VTA1: variants seen among roughly 807,000 people sequenced by gnomAD.
VTA1 encodes vacuolar protein sorting-associated protein VTA1 homolog.
A neutral mutation model predicts 36.9 loss-of-function variants in VTA1; 24 were observed. The ratio of observed to expected loss-of-function variants is 0.65; its 90% CI spans 0.47 to 0.91. VTA1 has a LOEUF of 0.91. Among genes scored for constraint, VTA1 ranks in the 40% least tolerant of loss-of-function variants. The probability of loss-of-function intolerance (pLI) is 0.00; values close to 1 mark genes in which losing one functional copy is unlikely to be tolerated. For missense variants in VTA1, 393 were observed against 377.2 expected, an observed-to-expected ratio of 1.04 and a Z score of -0.35; for synonymous variants, 142 against 130.2, an observed-to-expected ratio of 1.09 and a Z score of -0.62.
chr6:142,195,858 T>G (rs554285612), intron 5 of VTA1, among the ~76,000 whole-genome samples: 1 of 152,192 alleles, frequency 6.6e-6, no homozygotes, highest in Admixed American at 6.5e-5. Flanking sequence ...TCTTACTGAT[T>G]TCTAATTCAA....
rs1776162665 is a variant in VTA1, at chr6:142,224,239, A to G, written c.*5596A>G. 6.6e-6 allele frequency: 1 copy of G among 152,248 alleles called. No individual in the cohort carries two copies. The highest frequency in any genetic ancestry group is 6.5e-5 in the Admixed American group (1 of 15,288). The allele number at this position is 152,248 out of a possible 1,614,324, so 9.4% of individuals were successfully genotyped here. On this transcript the variant is annotated 3_prime_UTR_variant, in exon 8 of 8. Coordinates refer to ENST00000367630, the MANE Select transcript of VTA1 (RefSeq NM_016485.5). ...CACGCAGAGGCTCGAATATGCTCTC[A>G]ACCCTATCAGTTGCCTGCTTTAATT...
Position 142,224,191 on chromosome 6 carries a change from A to G in VTA1, c.*5548A>G, listed in dbSNP as rs927922726. 1.3e-5 allele frequency: 2 copies of G among 152,260 alleles called. No individual in the cohort carries two copies. The highest frequency in any genetic ancestry group is 1.3e-4 in the Admixed American group (2 of 15,286). 9.4% of individuals were successfully genotyped at this position (152,260 alleles called of 1,614,324 possible). ...CGGAGCTGGCTCATTCTGCACGTGT[A>G]CAGAGAAGAGGCCATGTGAGGACAC... On this transcript the variant is annotated 3_prime_UTR_variant, in exon 8 of 8. Transcript: ENST00000367630.
At chr6:142,153,372 A>G (rs1397503369) in intron 1 of VTA1, among the ~76,000 whole-genome samples, 1 of 151,856 alleles carries the variant, frequency 6.6e-6, no homozygotes, top group African/African-American at 2.4e-5. Flanking sequence ...ACCACAAATC[A>G]ATGACAAAAT....
chr6:142,189,655 A>G, intron 5 of VTA1, 121 bp downstream of exon 5: 1 of 680,654 alleles, frequency 1.5e-6, no homozygotes, highest in Non-Finnish European at 2.4e-6. Context: ...AATCAATGAA[A>G]GTTAAGTATA....
intron 5 of VTA1, among the ~76,000 whole-genome samples, chr6:142,195,756 A>G (rs879425422): frequency 2.0e-5 from 3 of 151,806 alleles, no homozygotes; most frequent in Non-Finnish European, 4.4e-5. Flanking sequence ...AGTTCACCAT[A>G]ATTATAGTTT....
chr6:142,200,534 A>G (rs978391224), intron 6 of VTA1, among the ~76,000 whole-genome samples: 7 of 152,036 alleles, frequency 4.6e-5, no homozygotes, highest in Non-Finnish European at 1.0e-4. Context: ...CTATGAGTAT[A>G]CAAAAGAGAA....
At chr6:142,147,513 T>G in intron 1 of VTA1, 114 bp downstream of exon 1, 1 of 1,119,020 alleles carries the variant, frequency 8.9e-7, no homozygotes, top group Non-Finnish European at 1.3e-6. Flanking sequence ...ACCTGAGCTT[T>G]GACCTCGAGC....
At chr6:142,182,371 G>T (rs1775258725) in intron 4 of VTA1, among the ~76,000 whole-genome samples, 1 of 152,072 alleles carries the variant, frequency 6.6e-6, no homozygotes, top group Non-Finnish European at 1.5e-5. Context: ...TTCAAACAGA[G>T]AATTTATAAA....
At chr6:142,196,275 C>T (rs950686616) in intron 5 of VTA1, among the ~76,000 whole-genome samples, 16 of 152,088 alleles carry the variant, frequency 1.1e-4, no homozygotes, top group Admixed American at 3.3e-4. Flanking sequence ...ATGAAATGGT[C>T]CTTTTTATCT....
At chr6:142,157,051 C>G (rs1342382288) in intron 1 of VTA1, among the ~76,000 whole-genome samples, 1 of 152,218 alleles carries the variant, frequency 6.6e-6, no homozygotes, top group Non-Finnish European at 1.5e-5. Context: ...GTAGTCCCAG[C>G]TACTCAGGAG....
intron 3 of VTA1, 40 bp downstream of exon 3, chr6:142,169,717 G>A (rs773547358): frequency 6.8e-7 from 1 of 1,478,300 alleles, no homozygotes; most frequent in Non-Finnish European, 8.9e-7. Context: ...TATTAATTTT[G>A]TAACTGTATA....
At chr6:142,214,123 ACAGT>A (rs1477155579) in intron 7 of VTA1, among the ~76,000 whole-genome samples, 7 of 152,308 alleles carry the variant, frequency 4.6e-5, no homozygotes, top group Middle Eastern at 3.4e-3. Context: ...ACTTTTAGAA[ACAGT>A]CAGGTCAACT....
intron 4 of VTA1, among the ~76,000 whole-genome samples, chr6:142,181,116 T>TATATATATATATATATAC (rs753996612): frequency 5.2e-4 from 45 of 87,006 alleles, no homozygotes; most frequent in Non-Finnish European, 6.7e-4. Context: ...TATATATATA[T>TATATATATATATATATAC]ACACACACAC....
At chr6:142,155,077 A>G (rs1224108934) in intron 1 of VTA1, among the ~76,000 whole-genome samples, 1 of 152,168 alleles carries the variant, frequency 6.6e-6, no homozygotes, top group East Asian at 1.9e-4. Context: ...TTTCTAGAAT[A>G]TCTTTCATTT....
At chr6:142,207,520 C>T (rs1341058270) in intron 7 of VTA1, among the ~76,000 whole-genome samples, 1 of 152,098 alleles carries the variant, frequency 6.6e-6, no homozygotes, top group African/African-American at 2.4e-5. Flanking sequence ...CCTGCCTTCC[C>T]ACACTGCCAG....
At chr6:142,159,869 C>CCATATTGTGTATATTCCATATTCCA (rs1774764511) in intron 1 of VTA1, among the ~76,000 whole-genome samples, 2 of 151,950 alleles carry the variant, frequency 1.3e-5, no homozygotes, top group Admixed American at 1.3e-4. Flanking sequence ...TATTCCATTT[C>CCATATTGTGTATATTCCATATTCCA]TCCTTTCTAT....
At chr6:142,181,767 A>AGG (rs1775245760) in intron 4 of VTA1, among the ~76,000 whole-genome samples, 1 of 152,050 alleles carries the variant, frequency 6.6e-6, no homozygotes. Context: ...GTTATATTTA[A>AGG]GTCTTTGTGT....
At chr6:142,175,221 T>C (rs1470606586) in intron 4 of VTA1, among the ~76,000 whole-genome samples, 1 of 152,148 alleles carries the variant, frequency 6.6e-6, no homozygotes, top group African/African-American at 2.4e-5. Flanking sequence ...TTCCCTGCAG[T>C]TCGTTCTTCT....
intron 1 of VTA1, among the ~76,000 whole-genome samples, chr6:142,157,140 G>C (rs1778677028): frequency 6.6e-6 from 1 of 152,218 alleles, no homozygotes. Context: ...CTCCAGCCTG[G>C]TGACAGAGCG....
Sources: gnomAD v4.1 joint callset for allele counts (sites outside exome capture counted in the v4.1 genomes callset) on GRCh38, gnomAD v4.1.1 for gene constraint, MANE v1.5 for transcripts, NCBI Gene and HGNC (gene_info 2026-07-23, HGNC 2026-07-21) for gene names.